Variants in OPCML observed in about 807,000 individuals in gnomAD.
OPCML encodes the protein opioid-binding protein/cell adhesion molecule.
A neutral mutation model predicts 37.8 loss-of-function variants in OPCML; 13 were observed. The observed-to-expected ratio is 0.34, with a 90% CI of 0.22 to 0.55. The LOEUF (loss-of-function observed/expected upper bound fraction) is 0.55. OPCML is among the 20% of genes least tolerant of loss of function. The pLI is 0.91. For synonymous variants in OPCML, 176 were observed against 168.8 expected (o/e 1.04, Z -0.33); for missense variants, 341 against 435.6 (o/e 0.78, Z 1.93).
chr11:133,222,890 G>A (rs1939897369), intron 1 of OPCML, among the ~76,000 whole-genome samples: 1 of 152,090 alleles, frequency 6.6e-6, no homozygotes, highest in Non-Finnish European at 1.5e-5. Flanking sequence ...CGAAAGAGCA[G>A]GCTGGGAAGC....
At chr11:133,335,082 C>A (rs1013925274) in intron 1 of OPCML, among the ~76,000 whole-genome samples, 2 of 152,176 alleles carry the variant, frequency 1.3e-5, no homozygotes, top group African/African-American at 4.8e-5. Context: ...TAGCCACAGC[C>A]CTGAACTTTG....
intron 1 of OPCML, among the ~76,000 whole-genome samples, chr11:133,415,226 G>A (rs1945734981): frequency 6.6e-6 from 1 of 152,028 alleles, no homozygotes; most frequent in Admixed American, 6.6e-5. Flanking sequence ...AGACTAACAT[G>A]GTGAAACCCA....
chr11:132,896,043 C>T (rs970911689), intron 2 of OPCML, among the ~76,000 whole-genome samples: 5 of 152,204 alleles, frequency 3.3e-5, no homozygotes, highest in Non-Finnish European at 7.4e-5. Context: ...CTTATATGGA[C>T]CCTCAGAGCC....
chr11:132,421,360 C>T (rs1230875452), intron 7 of OPCML, among the ~76,000 whole-genome samples: 2 of 152,148 alleles, frequency 1.3e-5, no homozygotes, highest in Non-Finnish European at 2.9e-5. Flanking sequence ...ACCTCTTCTA[C>T]CATCTCAAGC....
intron 1 of OPCML, among the ~76,000 whole-genome samples, chr11:133,362,918 C>T (rs1203972869): frequency 6.6e-6 from 1 of 152,148 alleles, no homozygotes; most frequent in Non-Finnish European, 1.5e-5. Flanking sequence ...TAGCTCTGTG[C>T]CCTAAAGCTG....
At position 132,846,292 on chromosome 11, in the gene OPCML, A is replaced by T. The variant is rs1042299821; in HGVS notation, c.146+96634T>A. On this transcript the variant is annotated intron_variant, in intron 2 of 7. Transcript: ENST00000524381. ...CCAGCAACAAAGGCTGAGCGCCCCCACTCGGGACTGCTAAGTGTTTCTCAC... is the reference window on the plus strand; with the variant it reads ...CCAGCAACAAAGGCTGAGCGCCCCCTCTCGGGACTGCTAAGTGTTTCTCAC... Among the ~76,000 whole-genome samples, 19 of 152,250 alleles carry T rather than the reference A, an allele frequency of 1.2e-4. 1 individual carries two copies. Among genetic ancestry groups the T allele is most frequent in the Admixed American group, 1.1e-3 (17 of 15,286 alleles).
At chr11:132,868,180 C>T (rs912772899) in intron 2 of OPCML, among the ~76,000 whole-genome samples, 2 of 151,896 alleles carry the variant, frequency 1.3e-5, no homozygotes, top group Admixed American at 1.3e-4. Flanking sequence ...CAAGAGCTGC[C>T]TTTCCCAATT....
At position 132,624,561 on chromosome 11, in the gene OPCML, C is replaced by T. The variant is rs148544457; in HGVS notation, c.379+32526G>A. ...TCAGATCACTGGGCTCCAATGATTA[C>T]ATCACAGCCCTTCTCTGCTTGCTCT... On this transcript the variant is annotated intron_variant, in intron 3 of 7. Transcript: ENST00000524381. Among the ~76,000 whole-genome samples the T allele has an allele frequency of 6.9e-3, 1,044 of 152,232 alleles. 13 individuals carry two copies. The highest frequency in any genetic ancestry group is 0.023 in the African/African-American group (970 of 41,536).
At chr11:132,864,135 A>G (rs886082017) in intron 2 of OPCML, among the ~76,000 whole-genome samples, 1 of 151,932 alleles carries the variant, frequency 6.6e-6, no homozygotes, top group Non-Finnish European at 1.5e-5. Flanking sequence ...ACGGGGTTTC[A>G]CCATGTTGGC....
chr11:132,476,681 G>A (rs1342855833), intron 4 of OPCML, among the ~76,000 whole-genome samples: 1 of 151,728 alleles, frequency 6.6e-6, no homozygotes, highest in African/African-American at 2.4e-5. Context: ...CACACACAGG[G>A]GACTGTTTTG....
Position 133,030,471 on chromosome 11 carries a change from T to C in OPCML, c.62-87461A>G, listed in dbSNP as rs114183456. Among the ~76,000 whole-genome samples, 451 of 152,302 alleles carry C rather than the reference T, an allele frequency of 3.0e-3. 2 individuals carry two copies. The highest frequency in any genetic ancestry group is 0.01 in the African/African-American group (430 of 41,568). ...CCACATATTCAAAGTCTTTGAGCCT[T>C]GTTTTCCTAATCTGTACATAAGGAC... On this transcript the variant is annotated intron_variant, in intron 1 of 7. Transcript: ENST00000524381.
intron 1 of OPCML, among the ~76,000 whole-genome samples, chr11:133,316,728 T>C (rs1943213529): frequency 2.0e-5 from 3 of 152,262 alleles, no homozygotes; most frequent in Non-Finnish European, 4.4e-5. Context: ...TGTTAATATG[T>C]ATGGATATAA....
chr11:133,495,894 C>A (rs1004308205), intron 1 of OPCML, among the ~76,000 whole-genome samples: 8 of 152,156 alleles, frequency 5.3e-5, no homozygotes, highest in African/African-American at 1.7e-4. Flanking sequence ...TGCAAAAGCG[C>A]TTTTGTTTAA....
intron 2 of OPCML, among the ~76,000 whole-genome samples, chr11:132,939,868 G>A (rs539442007): frequency 6.6e-5 from 10 of 152,288 alleles, no homozygotes; most frequent in African/African-American, 2.2e-4. Context: ...AAGTGATTCT[G>A]GCCAAGAGGG....
At chr11:132,978,039 CA>C (rs1177103863) in intron 1 of OPCML, among the ~76,000 whole-genome samples, 1 of 151,878 alleles carries the variant, frequency 6.6e-6, no homozygotes, top group Non-Finnish European at 1.5e-5. Context: ...TCCAACAAAA[CA>C]AAAAGAATGG....
At chr11:133,180,288 C>T (rs1051199986) in intron 1 of OPCML, among the ~76,000 whole-genome samples, 7 of 152,090 alleles carry the variant, frequency 4.6e-5, no homozygotes, top group Non-Finnish European at 1.0e-4. Flanking sequence ...CTATGCATTA[C>T]GAATGGGTAA....
At chr11:132,951,534 C>T (rs573381462) in intron 1 of OPCML, among the ~76,000 whole-genome samples, 22 of 152,280 alleles carry the variant, frequency 1.4e-4, no homozygotes, top group Admixed American at 8.5e-4. Context: ...TTTCAACATA[C>T]GAATTTTGGG....
intron 2 of OPCML, among the ~76,000 whole-genome samples, chr11:132,862,620 GC>G (rs1942353401): frequency 6.6e-6 from 1 of 152,282 alleles, no homozygotes; most frequent in East Asian, 1.9e-4. Context: ...CAGCATCCTA[GC>G]TAGGACACAG....
intron 1 of OPCML, among the ~76,000 whole-genome samples, chr11:133,287,194 ATAAAG>A (rs1334311123): frequency 2.0e-5 from 3 of 152,098 alleles, no homozygotes; most frequent in African/African-American, 7.2e-5. Context: ...AGCAAAAAAG[ATAAAG>A]TAAAATTATT....
Sources: allele counts gnomAD v4.1 joint callset (sites outside exome capture counted in the v4.1 genomes callset), GRCh38; gene constraint gnomAD v4.1.1; transcripts MANE v1.5; gene names NCBI Gene and HGNC (gene_info 2026-07-23, HGNC 2026-07-21).